The following MYO6 variants were observed in gnomAD, a reference collection of about 807,000 sequenced individuals.
MYO6 encodes myosin VI.
A neutral mutation model predicts 178.7 loss-of-function variants in MYO6; 74 were observed. The ratio of observed to expected loss-of-function variants is 0.41; its 90% CI spans 0.34 to 0.50. The LOEUF (loss-of-function observed/expected upper bound fraction) is 0.50. Among genes scored for constraint, MYO6 ranks in the 20% least tolerant of loss-of-function variants. The pLI is 0.09. For synonymous variants in MYO6, 477 were observed against 504.6 expected (o/e 0.95, Z 0.73); for missense variants, 1,330 against 1,547.4 (o/e 0.86, Z 2.36).
chr6:75,873,321 A>G, intron 20 of MYO6, 21 bp downstream of exon 20: 1 of 1,525,460 alleles, frequency 6.6e-7, no homozygotes, highest in Non-Finnish European at 9.1e-7. Context: ...AATCTCTGTC[A>G]GTGTGTGTTA....
intron 16 of MYO6, among the ~76,000 whole-genome samples, chr6:75,863,120 G>A (rs527869403): frequency 6.6e-6 from 1 of 152,234 alleles, no homozygotes; most frequent in East Asian, 1.9e-4. Flanking sequence ...AGAATTACCT[G>A]CTGTCTTCAT....
chr6:75,831,178 C>T (rs1390334676), intron 5 of MYO6, among the ~76,000 whole-genome samples: 1 of 152,262 alleles, frequency 6.6e-6, no homozygotes, highest in East Asian at 1.9e-4. Flanking sequence ...GAGCAATTAC[C>T]CCTCTTCCCA....
chr6:75,782,867 G>T (rs1368927163), intron 1 of MYO6, among the ~76,000 whole-genome samples: 2 of 150,370 alleles, frequency 1.3e-5, no homozygotes, highest in African/African-American at 2.4e-5. Flanking sequence ...TTTCACAAAA[G>T]AACAAGTGAT....
chr6:75,892,520 C>T lies in MYO6; in HGVS notation c.2947-10C>T. 1 of 1,613,916 alleles carries T rather than the reference C, an allele frequency of 6.2e-7. No individual in the cohort carries two copies. Among genetic ancestry groups the T allele is most frequent in the Non-Finnish European group, 8.5e-7 (1 of 1,180,010 alleles). On this transcript the variant is annotated splice_polypyrimidine_tract_variant and intron_variant, in intron 27 of 34. Coordinates refer to ENST00000369977, the MANE Select transcript of MYO6 (RefSeq NM_004999.4). Reference sequence around the variant, plus strand: ...GAACTCTTGGTGAAATAGCTTTCTGCCCTTGTCAGGCTGAAGTGGAGGCAC... The same window carrying T: ...GAACTCTTGGTGAAATAGCTTTCTGTCCTTGTCAGGCTGAAGTGGAGGCAC...
chr6:75,900,647 G>A (rs1232858746), intron 30 of MYO6, among the ~76,000 whole-genome samples: 2 of 152,156 alleles, frequency 1.3e-5, no homozygotes, highest in Non-Finnish European at 2.9e-5. Flanking sequence ...TTTGTCAGAT[G>A]AGTAGGTTGC....
At chr6:75,846,732 G>A (rs1030034110) in intron 10 of MYO6, among the ~76,000 whole-genome samples, 19 of 151,904 alleles carry the variant, frequency 1.3e-4, no homozygotes, top group African/African-American at 4.4e-4. Context: ...CAGTTCTGAA[G>A]GGGGGAAAAA....
chr6:75,806,600 A>G, intron 1 of MYO6, among the ~76,000 whole-genome samples: 1 of 152,190 alleles, frequency 6.6e-6, no homozygotes, highest in Non-Finnish European at 1.5e-5. Flanking sequence ...CCATGCTGGA[A>G]GGTTGTGGGT....
At position 75,890,136 on chromosome 6, in the gene MYO6, T is replaced by TA; in HGVS notation, c.2739dup (p.Gln914ThrfsTer28). ...AGCTCAGAGGAACTCCTCAGTGCATTACAGAAAAAAAAACAGCAGGAAGAG... is the reference window on the plus strand; with the variant it reads ...AGCTCAGAGGAACTCCTCAGTGCATTAACAGAAAAAAAAACAGCAGGAAGAG... On this transcript the variant is annotated frameshift_variant, in exon 26 of 35. Coordinates refer to ENST00000369977, the MANE Select transcript of MYO6 (RefSeq NM_004999.4). LOFTEE classifies it high-confidence loss of function. The TA allele has an allele frequency of 6.2e-7, 1 of 1,612,302 alleles. No homozygotes were observed. Among genetic ancestry groups the TA allele is most frequent in the South Asian group, 1.1e-5 (1 of 91,038 alleles).
In MYO6 at chr6:75,914,060, T is replaced by C. The variant is rs777811206; in HGVS notation, c.3440-3T>C. The C allele has an allele frequency of 3.7e-6, 6 of 1,613,872 alleles. No homozygotes were observed. In the South Asian group the frequency reaches 6.6e-5, roughly 18 times the overall value. ...GTATAACTTTCCTTGTTCTGTGTAATAGCTCAGCAAAACCCAGCAGCTCAG... is the reference window on the plus strand; with the variant it reads ...GTATAACTTTCCTTGTTCTGTGTAACAGCTCAGCAAAACCCAGCAGCTCAG... On this transcript the variant is annotated splice_polypyrimidine_tract_variant and splice_region_variant and intron_variant, in intron 33 of 34. Coordinates refer to ENST00000369977, the MANE Select transcript of MYO6 (RefSeq NM_004999.4).
chr6:75,782,015 A>G (rs1767038649), intron 1 of MYO6, among the ~76,000 whole-genome samples: 1 of 151,722 alleles, frequency 6.6e-6, no homozygotes. Flanking sequence ...GCTGGAGTTC[A>G]GAGTGAAACT....
At chr6:75,857,532 T>A (rs901166023) in intron 13 of MYO6, among the ~76,000 whole-genome samples, 1 of 152,184 alleles carries the variant, frequency 6.6e-6, no homozygotes, top group African/African-American at 2.4e-5. Context: ...CTAAAAGGAA[T>A]ACAACTGAAT....
chr6:75,871,557 G>A (rs1583323237), intron 19 of MYO6, among the ~76,000 whole-genome samples: 1 of 152,070 alleles, frequency 6.6e-6, no homozygotes, highest in African/African-American at 2.4e-5. Flanking sequence ...GTTAGAACTT[G>A]CGTATTCTTT....
intron 1 of MYO6, among the ~76,000 whole-genome samples, chr6:75,752,250 C>T (rs1474777528): frequency 2.0e-5 from 3 of 152,182 alleles, no homozygotes; most frequent in African/African-American, 7.2e-5. Context: ...CCTTGGCCTC[C>T]CAAAGTGCTG....
intron 13 of MYO6, among the ~76,000 whole-genome samples, chr6:75,857,750 G>A (rs1775848181): frequency 6.6e-6 from 1 of 152,148 alleles, no homozygotes; most frequent in South Asian, 2.1e-4. Context: ...AAATTAATAA[G>A]ATATCAAGGT....
intron 20 of MYO6, among the ~76,000 whole-genome samples, chr6:75,877,428 G>T (rs1400704194): frequency 4.0e-5 from 6 of 151,666 alleles, no homozygotes; most frequent in African/African-American, 1.5e-4. Context: ...CACCACACCC[G>T]GCTAATTCTT....
intron 33 of MYO6, among the ~76,000 whole-genome samples, chr6:75,912,614 A>G (rs990603315): frequency 2.6e-5 from 4 of 152,114 alleles, no homozygotes; most frequent in Non-Finnish European, 5.9e-5. Context: ...TTAATGAATG[A>G]CTATCAGTAT....
chr6:75,752,144 C>T (rs1776956652), intron 1 of MYO6, among the ~76,000 whole-genome samples: 1 of 152,020 alleles, frequency 6.6e-6, no homozygotes, highest in African/African-American at 2.4e-5. Context: ...AGGTGCCCGC[C>T]ACCACACCTG....
chr6:75,787,007 A>T (rs1458452625), intron 1 of MYO6, among the ~76,000 whole-genome samples: 1 of 152,202 alleles, frequency 6.6e-6, no homozygotes, highest in South Asian at 2.1e-4. Flanking sequence ...TTCACTTGTT[A>T]GTGCTTTAGT....
At chr6:75,788,338 T>G (rs1767886696) in intron 1 of MYO6, among the ~76,000 whole-genome samples, 1 of 152,064 alleles carries the variant, frequency 6.6e-6, no homozygotes, top group Admixed American at 6.6e-5. Flanking sequence ...CACTCCAGCC[T>G]GGGCAACTGA....
Sources: gnomAD v4.1 joint callset for allele counts (sites outside exome capture counted in the v4.1 genomes callset) on GRCh38, gnomAD v4.1.1 for gene constraint, MANE v1.5 for transcripts, NCBI Gene and HGNC (gene_info 2026-07-23, HGNC 2026-07-21) for gene names.